FNIP1: variants seen among roughly 807,000 people sequenced by gnomAD.
FNIP1 encodes folliculin-interacting protein 1.
Under a neutral mutation model 124.5 loss-of-function variants are expected in FNIP1, and 40 were observed. That is an observed-to-expected ratio of 0.32 (90% confidence interval 0.25 to 0.42). The LOEUF (loss-of-function observed/expected upper bound fraction) is 0.42, where lower values mean the gene tolerates loss of function less well. Ranked by LOEUF, FNIP1 falls within the 10% of genes least tolerant of loss-of-function variation. The pLI is 1.00. For synonymous variants in FNIP1, 472 were observed against 470.6 expected, an observed-to-expected ratio of 1.00 and a Z score of -0.04; for missense variants, 1,176 against 1,403.7, an observed-to-expected ratio of 0.84 and a Z score of 2.59.
rs1767772218 is a variant in FNIP1, at chr5:131,672,073, T to C, written c.2371A>G (p.Ile791Val). 1.2e-6 allele frequency: 2 copies of C among 1,614,222 alleles called. No individual in the cohort carries two copies. The highest frequency in any genetic ancestry group is 8.5e-7 in the Non-Finnish European group (1 of 1,180,034). ...TKPLKEERGA[I>V]DQHQETKQTT... ...TGTTTAGTTTCTTGATGCTGATCAA[T>C]AGCCCCTCTTTCTTCCTTCAATGGT... is the stretch of plus-strand genomic sequence containing the variant. Residue 791 changes from isoleucine to valine, a missense_variant, in exon 14 of 18, where the codon ATT becomes GTT. Ile to Val is a conservative substitution (Grantham distance 29). Transcript: ENST00000510461.
chr5:131,724,652 G>A (rs931305426), intron 3 of FNIP1, among the ~76,000 whole-genome samples: 2 of 152,140 alleles, frequency 1.3e-5, no homozygotes, highest in Non-Finnish European at 2.9e-5. Flanking sequence ...CCATTCTGCA[G>A]GTTGCCTGTT....
At chr5:131,654,410 C>CCA (rs1163781922) in intron 15 of FNIP1, among the ~76,000 whole-genome samples, 1 of 152,130 alleles carries the variant, frequency 6.6e-6, no homozygotes, top group Non-Finnish European at 1.5e-5. Context: ...GGATAAGGTA[C>CCA]CACAATAAGG....
intron 15 of FNIP1, among the ~76,000 whole-genome samples, chr5:131,667,392 T>C (rs1217500549): frequency 1.3e-5 from 2 of 152,208 alleles, no homozygotes; most frequent in African/African-American, 4.8e-5. Context: ...TTCTCACAAA[T>C]TGTTTTTATC....
intron 12 of FNIP1, among the ~76,000 whole-genome samples, chr5:131,678,122 G>C (rs26010): frequency 6.6e-6 from 1 of 151,958 alleles, no homozygotes; most frequent in South Asian, 2.1e-4. Context: ...ATTGCAGATC[G>C]TAAGTACAAA....
At chr5:131,676,142 C>T (rs1246055248) in intron 13 of FNIP1, among the ~76,000 whole-genome samples, 4 of 151,462 alleles carry the variant, frequency 2.6e-5, no homozygotes, top group African/African-American at 7.3e-5. Context: ...CTGCCTCAGC[C>T]TCTTGAGTAG....
chr5:131,667,954 A>G (rs1021073572), intron 15 of FNIP1, among the ~76,000 whole-genome samples: 1 of 152,236 alleles, frequency 6.6e-6, no homozygotes, highest in African/African-American at 2.4e-5. Context: ...GCAAAGTATT[A>G]AAGTGATATG....
intron 1 of FNIP1, among the ~76,000 whole-genome samples, chr5:131,746,088 T>C (rs1282298950): frequency 3.3e-5 from 5 of 152,316 alleles, no homozygotes; most frequent in African/African-American, 4.8e-5. Context: ...ACATATCCAT[T>C]ACATTCCACA....
intron 1 of FNIP1, among the ~76,000 whole-genome samples, chr5:131,756,212 G>A (rs1771047475): frequency 6.6e-6 from 1 of 152,080 alleles, no homozygotes; most frequent in Admixed American, 6.6e-5. Flanking sequence ...AGAAAGAGCT[G>A]AGAAAGACAG....
intron 6 of FNIP1, among the ~76,000 whole-genome samples, chr5:131,711,789 T>A (rs532066097): frequency 2.2e-4 from 34 of 152,358 alleles, no homozygotes; most frequent in Non-Finnish European, 3.7e-4. Flanking sequence ...AGCCACTGTA[T>A]CCAGCCAACT....
chr5:131,776,374 C>T (rs1040786632), intron 1 of FNIP1, among the ~76,000 whole-genome samples: 11 of 152,296 alleles, frequency 7.2e-5, no homozygotes, highest in African/African-American at 2.6e-4. Context: ...CACAGAAATG[C>T]TGAAGAGAAA....
chr5:131,677,767 A>G lies in FNIP1; in HGVS notation c.1455T>C (p.His485=). ...QPPIKIFLEK[H]SSQSVDMLAK... ...CCAACATGTCCACACTCTGAGAGGA[A>G]TGCTTTTCTAAAAATATTTTTATAG... The change falls in exon 13 of 18, where the codon CAT becomes CAC. Residue 485 remains histidine (H), a synonymous_variant. Transcript: ENST00000510461. The G allele has an allele frequency of 1.9e-6, 3 of 1,614,160 alleles. No homozygotes were observed. Among genetic ancestry groups the G allele is most frequent in the Middle Eastern group, 1.6e-4 (1 of 6,062 alleles).
At chr5:131,682,700 G>C (rs536143355) in intron 11 of FNIP1, among the ~76,000 whole-genome samples, 6 of 150,846 alleles carry the variant, frequency 4.0e-5, no homozygotes, top group East Asian at 1.9e-4. Flanking sequence ...CTGGGCGGTA[G>C]AGCAAGACTC....
chr5:131,723,709 A>T (rs184428725), intron 3 of FNIP1, among the ~76,000 whole-genome samples: 8 of 152,226 alleles, frequency 5.3e-5, no homozygotes, highest in East Asian at 3.9e-4. Flanking sequence ...ATATACATTT[A>T]AAAAAAATTA....
In FNIP1 at chr5:131,675,627, T is replaced by C. The variant is rs956142263; in HGVS notation, c.1519+2076A>G. 1.2e-4 allele frequency among the ~76,000 whole-genome samples: 19 copies of C among 152,142 alleles called. 1 individual carries two copies. The stretch of plus-strand genomic sequence containing the variant: ...ATCAAAGAAAGTATATACTGCATGA[T>C]TCCATTCATATAAAACTCTAGAAAA... On this transcript the variant is annotated intron_variant, in intron 13 of 17. Coordinates refer to ENST00000510461, the MANE Select transcript of FNIP1 (RefSeq NM_133372.3).
chr5:131,779,838 A>G (rs533046511), intron 1 of FNIP1, among the ~76,000 whole-genome samples: 48 of 152,060 alleles, frequency 3.2e-4, no homozygotes, highest in Middle Eastern at 3.2e-3. Context: ...ATGTTGATAA[A>G]TGTGAAATCT....
In FNIP1 at chr5:131,672,624, T is replaced by C. The variant is rs776680110; in HGVS notation, c.1820A>G (p.Asn607Ser). ...ATGACTGCAATATTTACAGTTACAATTGGGAGTTCTAATTTCTTCTGACTC... is the reference window on the plus strand; with the variant it reads ...ATGACTGCAATATTTACAGTTACAACTGGGAGTTCTAATTTCTTCTGACTC... The part of the protein sequence containing the change: ...FKESEEIRTP[N>S]CNCKYCSHPL... The change falls in exon 14 of 18, where the codon AAT becomes AGT. Residue 607 changes from asparagine to serine, a missense_variant. Physicochemically the swap from Asn to Ser is conservative, Grantham distance 46. This residue lies in a region of FNIP1 where 1,109 missense variants were observed against 1,288.5 expected (regional missense o/e 0.86). Coordinates refer to ENST00000510461, the MANE Select transcript of FNIP1 (RefSeq NM_133372.3). 1.2e-5 allele frequency: 19 copies of C among 1,614,096 alleles called. No homozygotes were observed. The highest frequency in any genetic ancestry group is 1.3e-5 in the African/African-American group (1 of 74,944).
At chr5:131,729,683 T>C (rs1045935982) in intron 3 of FNIP1, among the ~76,000 whole-genome samples, 2 of 152,088 alleles carry the variant, frequency 1.3e-5, no homozygotes, top group African/African-American at 4.8e-5. Flanking sequence ...GCTCAAGCAA[T>C]CCTCCCACCT....
At chr5:131,713,006 C>A (rs986674352) in intron 6 of FNIP1, among the ~76,000 whole-genome samples, 4 of 152,086 alleles carry the variant, frequency 2.6e-5, no homozygotes, top group Non-Finnish European at 5.9e-5. Context: ...TCCCATGTAA[C>A]ACACTCTCTG....
At chr5:131,652,683 G>A (rs1344662317) in intron 15 of FNIP1, among the ~76,000 whole-genome samples, 1 of 152,170 alleles carries the variant, frequency 6.6e-6, no homozygotes, top group Admixed American at 6.5e-5. Flanking sequence ...GGACAGGACA[G>A]ATGACATGGT....
Sources: allele counts gnomAD v4.1 joint callset (sites outside exome capture counted in the v4.1 genomes callset), GRCh38; gene constraint gnomAD v4.1.1; regional missense constraint gnomAD v4.1.1; transcripts MANE v1.5; gene names NCBI Gene and HGNC (gene_info 2026-07-23, HGNC 2026-07-21).